Variants in ZDHHC6 observed in about 807,000 individuals in gnomAD.
ZDHHC6 encodes the protein zDHHC palmitoyltransferase 6, also known as palmitoyltransferase ZDHHC6.
ZDHHC6 carries 32 observed loss-of-function variants against 57.8 expected under a neutral mutation model. The ratio of observed to expected loss-of-function variants is 0.55; its 90% CI spans 0.42 to 0.74. The LOEUF is 0.74. Among genes scored for constraint, ZDHHC6 ranks in the 30% least tolerant of loss-of-function variants. ZDHHC6 has a pLI of 0.00. For missense variants in ZDHHC6, 433 were observed against 500.7 expected, an observed-to-expected ratio of 0.86 and a Z score of 1.29; for synonymous variants, 128 against 158.0, an observed-to-expected ratio of 0.81 and a Z score of 1.42.
At position 112,442,050 on chromosome 10, in the gene ZDHHC6, C is replaced by T. The variant is rs11195960; in HGVS notation, c.519+142G>A. 6.0e-3 allele frequency: 5,766 copies of T among 962,396 alleles called. 38 individuals are homozygous for T. Among genetic ancestry groups the T allele is most frequent in the Middle Eastern group, 0.014 (40 of 2,918 alleles). The allele number at this position is 962,396 out of a possible 1,614,324, so 59.6% of individuals were successfully genotyped here. A position where few individuals can be genotyped will look rare whatever the true frequency, so the allele number is the denominator to read the frequency against. ...GTTTTAATGCTTTCTAAAAAGGAACCCATATACCAGTAAAACAAAGTTCTA... is the reference window on the plus strand; with the variant it reads ...GTTTTAATGCTTTCTAAAAAGGAACTCATATACCAGTAAAACAAAGTTCTA... On this transcript the variant is annotated intron_variant, in intron 4 of 10. Transcript: ENST00000369405.
chr10:112,426,183 G>A (rs1844695965), downstream of ZDHHC6: 1 of 1,153,042 alleles, frequency 8.7e-7, no homozygotes, highest in East Asian at 2.4e-5. Context: ...ACATAATTCT[G>A]CTTTATTTAA....
chr10:112,433,339 C>T (rs935748942), intron 7 of ZDHHC6, 58 bp from the exon 8 acceptor site: 10 of 1,389,882 alleles, frequency 7.2e-6, no homozygotes, highest in Non-Finnish European at 8.6e-6. Flanking sequence ...GTTGAAAAAT[C>T]GCCTTTCCTC....
chr10:112,428,462 G>C (rs764204791), downstream of ZDHHC6: 1 of 398,442 alleles, frequency 2.5e-6, no homozygotes, highest in African/African-American at 2.1e-5. Flanking sequence ...TACAGTATCT[G>C]TTCTTAAACT....
chr10:112,429,531 C>G (rs1844865275), downstream of ZDHHC6, among the ~76,000 whole-genome samples: 1 of 152,178 alleles, frequency 6.6e-6, no homozygotes, highest in Non-Finnish European at 1.5e-5. Flanking sequence ...TCAACTATTA[C>G]AGGCCTGGCC....
At chr10:112,447,249 C>T (rs1846867913), upstream of ZDHHC6, 3 of 1,018,194 alleles carry the variant, frequency 2.9e-6, 1 homozygote, top group South Asian at 4.5e-5. Context: ...GAGAGCTGTC[C>T]CCGGTTCTCC....
intron 2 of ZDHHC6, among the ~76,000 whole-genome samples, chr10:112,444,670 T>G (rs1846464215): frequency 6.6e-6 from 1 of 152,212 alleles, no homozygotes; most frequent in Non-Finnish European, 1.5e-5. Context: ...AACATGGACA[T>G]TCATAAGCAT....
At chr10:112,437,316 C>T (rs955303684) in intron 6 of ZDHHC6, among the ~76,000 whole-genome samples, 2 of 151,938 alleles carry the variant, frequency 1.3e-5, no homozygotes, top group Non-Finnish European at 2.9e-5. Flanking sequence ...TAGTATTTGC[C>T]AAATGACCGA....
chr10:112,425,076 T>C (rs1016590453), exon 12 of ZDHHC6: 2 of 282,552 alleles, frequency 7.1e-6, no homozygotes, highest in Non-Finnish European at 1.3e-5. Context: ...AGGCATCAAT[T>C]TGCATAACTC....
intron 8 of ZDHHC6, among the ~76,000 whole-genome samples, 161 bp from the exon 9 acceptor site, chr10:112,432,682 T>G (rs1845156225): frequency 6.6e-6 from 1 of 152,200 alleles, no homozygotes; most frequent in Non-Finnish European, 1.5e-5. Flanking sequence ...CCTAGTTCCC[T>G]GGGAGGCAAC....
At position 112,442,204 on chromosome 10, in the gene ZDHHC6, C is replaced by G; in HGVS notation, c.507G>C (p.Gln169His). ...AFIFVMTMYT[Q>H]LYHRLSFGWN... Reference sequence around the variant, plus strand: ...CATTTTCACTTACCCGATGATAAAGCTGTGTGTACATAGTCATCACAAAAA... The same window carrying G: ...CATTTTCACTTACCCGATGATAAAGGTGTGTGTACATAGTCATCACAAAAA... Residue 169 changes from glutamine to histidine, a missense_variant, in exon 4 of 11, where the codon CAG becomes CAC. Transcript: ENST00000369405. 6.2e-7 allele frequency: 1 copy of G among 1,607,822 alleles called. No homozygotes were observed. The highest frequency in any genetic ancestry group is 1.1e-5 in the South Asian group (1 of 89,284).
intron 10 of ZDHHC6, among the ~76,000 whole-genome samples, chr10:112,431,736 GAAA>G (rs5787963): frequency 1.4e-5 from 2 of 143,940 alleles, no homozygotes; most frequent in African/African-American, 5.1e-5. Context: ...TAAAACTTAA[GAAA>G]AAAAAAAACA....
chr10:112,436,963 T>A (rs1367210825), intron 6 of ZDHHC6, among the ~76,000 whole-genome samples: 1 of 152,236 alleles, frequency 6.6e-6, no homozygotes, highest in Admixed American at 6.5e-5. Context: ...CCAGCTTTTT[T>A]AATGTAACAC....
chr10:112,429,339 TTTTG>T (rs1844858602), downstream of ZDHHC6, among the ~76,000 whole-genome samples: 1 of 152,226 alleles, frequency 6.6e-6, no homozygotes, highest in Non-Finnish European at 1.5e-5. Flanking sequence ...TCCAGCCTGT[TTTTG>T]TTCTTGCTGC....
chr10:112,432,597 T>C, intron 8 of ZDHHC6, 76 bp from the exon 9 acceptor site: 1 of 1,530,074 alleles, frequency 6.5e-7, no homozygotes, highest in Middle Eastern at 1.9e-4. Context: ...TTTCAAATTT[T>C]AAAGCAAGAT....
downstream of ZDHHC6, chr10:112,426,512 A>T: frequency 1.5e-6 from 1 of 647,988 alleles, no homozygotes. Flanking sequence ...GAGTTTAAAA[A>T]ATAAAACTCT....
At chr10:112,433,427 G>T in intron 7 of ZDHHC6, 146 bp from the exon 8 acceptor site, 1 of 589,566 alleles carries the variant, frequency 1.7e-6, no homozygotes, top group Non-Finnish European at 2.8e-6. Flanking sequence ...GCCACAGGTT[G>T]TTTTAGCATG....
intron 7 of ZDHHC6, 83 bp from the exon 8 acceptor site, chr10:112,433,364 T>C: frequency 8.6e-7 from 1 of 1,165,648 alleles, no homozygotes; most frequent in Non-Finnish European, 1.2e-6. Flanking sequence ...ACTGTCAGAG[T>C]GATATGGCAA....
At chr10:112,432,090 A>G (rs1845093242) in intron 10 of ZDHHC6, 150 bp downstream of exon 10, 1 of 691,936 alleles carries the variant, frequency 1.4e-6, no homozygotes, top group South Asian at 2.2e-5. Context: ...AGAAATATAT[A>G]AGGAAGTTCC....
chr10:112,431,563 C>T (rs1470209425), intron 10 of ZDHHC6, among the ~76,000 whole-genome samples: 10 of 152,128 alleles, frequency 6.6e-5, no homozygotes, highest in Non-Finnish European at 1.2e-4. Context: ...ATCCATCTGC[C>T]TTGGTCTCCC....
Sources: gnomAD v4.1 joint callset for allele counts (sites outside exome capture counted in the v4.1 genomes callset) on GRCh38, gnomAD v4.1.1 for gene constraint, MANE v1.5 for transcripts, NCBI Gene and HGNC (gene_info 2026-07-23, HGNC 2026-07-21) for gene names.